HIBADH: variants seen among roughly 807,000 people sequenced by gnomAD.
HIBADH encodes the protein 3-hydroxyisobutyrate dehydrogenase.
Under a neutral mutation model 36.1 loss-of-function variants are expected in HIBADH, and 25 were observed. That is an observed-to-expected ratio of 0.69 (90% CI 0.50 to 0.97). The LOEUF (loss-of-function observed/expected upper bound fraction) is 0.97, where lower values mean the gene tolerates loss of function less well. Among genes scored for constraint, HIBADH ranks in the 50% least tolerant of loss-of-function variants. The pLI is 0.00. For missense variants in HIBADH, 421 were observed against 418.0 expected (o/e 1.01, Z -0.06); for synonymous variants, 160 against 149.5 (o/e 1.07, Z -0.51).
intron 4 of HIBADH, among the ~76,000 whole-genome samples, chr7:27,604,250 T>C (rs1336261902): frequency 1.3e-5 from 2 of 152,166 alleles, no homozygotes; most frequent in Admixed American, 6.5e-5. Flanking sequence ...TTTAATATTA[T>C]AGAAATAACT....
chr7:27,565,461 A>C (rs1023177262), intron 4 of HIBADH, among the ~76,000 whole-genome samples: 1 of 152,166 alleles, frequency 6.6e-6, no homozygotes, highest in African/African-American at 2.4e-5. Context: ...TCTATATCTT[A>C]AAACACCAAT....
intron 6 of HIBADH, among the ~76,000 whole-genome samples, chr7:27,535,975 AATACT>A (rs1053865253): frequency 1.3e-5 from 2 of 152,166 alleles, no homozygotes; most frequent in Admixed American, 1.3e-4. Flanking sequence ...TGTTGACATT[AATACT>A]CTGAAAAAAT....
intron 2 of HIBADH, among the ~76,000 whole-genome samples, chr7:27,635,281 C>T (rs772052521): frequency 2.0e-5 from 3 of 152,182 alleles, no homozygotes; most frequent in Non-Finnish European, 4.4e-5. Context: ...AACAAACCAA[C>T]CTTGTTGCCA....
intron 4 of HIBADH, among the ~76,000 whole-genome samples, chr7:27,555,083 T>C (rs929954942): frequency 6.6e-6 from 1 of 152,160 alleles, no homozygotes; most frequent in African/African-American, 2.4e-5. Context: ...CATGTGACTG[T>C]TTCCTTATTG....
chr7:27,633,929 A>C (rs1785792197), intron 2 of HIBADH, among the ~76,000 whole-genome samples: 4 of 152,212 alleles, frequency 2.6e-5, no homozygotes. Context: ...AGAAGTTTAC[A>C]CATGTTCTTT....
At chr7:27,623,583 C>G (rs1785583463) in intron 4 of HIBADH, among the ~76,000 whole-genome samples, 1 of 152,068 alleles carries the variant, frequency 6.6e-6, no homozygotes, top group African/African-American at 2.4e-5. Context: ...ACACAAAAAT[C>G]AGTAGCATTT....
At chr7:27,657,129 T>C (rs1053344802) in intron 1 of HIBADH, among the ~76,000 whole-genome samples, 2 of 151,868 alleles carry the variant, frequency 1.3e-5, no homozygotes, top group Non-Finnish European at 2.9e-5. Flanking sequence ...AATGAAAGCA[T>C]TGTATCTAAT....
intron 4 of HIBADH, among the ~76,000 whole-genome samples, chr7:27,561,324 A>G (rs1210685671): frequency 6.6e-6 from 1 of 152,030 alleles, no homozygotes. Flanking sequence ...AATATACAGG[A>G]TTTTCATTAC....
At chr7:27,585,238 C>A (rs1308553294) in intron 4 of HIBADH, among the ~76,000 whole-genome samples, 2 of 148,262 alleles carry the variant, frequency 1.3e-5, no homozygotes, top group African/African-American at 5.0e-5. Flanking sequence ...CATGTGCACA[C>A]ACGTGTGCAT....
At chr7:27,608,660 T>C (rs1039451386) in intron 4 of HIBADH, among the ~76,000 whole-genome samples, 1 of 152,164 alleles carries the variant, frequency 6.6e-6, no homozygotes, top group African/African-American at 2.4e-5. Context: ...ATATAATACA[T>C]AGAGTATACT....
intron 4 of HIBADH, among the ~76,000 whole-genome samples, chr7:27,546,365 T>A (rs1195172832): frequency 6.6e-6 from 1 of 152,112 alleles, no homozygotes; most frequent in African/African-American, 2.4e-5. Flanking sequence ...GCAATTCTCC[T>A]GCCTTGGTCT....
At chr7:27,654,914 T>G (rs1786269654) in intron 1 of HIBADH, among the ~76,000 whole-genome samples, 1 of 152,134 alleles carries the variant, frequency 6.6e-6, no homozygotes. Context: ...CTCGAACTCC[T>G]GAGCTCAAGC....
At chr7:27,588,253 A>C (rs1784891316) in intron 4 of HIBADH, among the ~76,000 whole-genome samples, 1 of 152,224 alleles carries the variant, frequency 6.6e-6, no homozygotes, top group African/African-American at 2.4e-5. Context: ...TTGCTAAGTG[A>C]ACTTGGAAAA....
chr7:27,553,598 G>A (rs1784350181), intron 4 of HIBADH, among the ~76,000 whole-genome samples: 1 of 152,064 alleles, frequency 6.6e-6, no homozygotes, highest in African/African-American at 2.4e-5. Flanking sequence ...ATGCAGAGTG[G>A]GGTTTTTAAA....
At chr7:27,584,092 AAG>A (rs966603774) in intron 4 of HIBADH, among the ~76,000 whole-genome samples, 64 of 152,180 alleles carry the variant, frequency 4.2e-4, no homozygotes, top group East Asian at 2.1e-3. Flanking sequence ...TTAAAAAAGT[AAG>A]AGAGAATTTT....
intron 4 of HIBADH, among the ~76,000 whole-genome samples, chr7:27,546,972 A>ATCCTCTTAAAATATAAATCTAG (rs1389962266): frequency 1.4e-4 from 21 of 152,158 alleles, no homozygotes; most frequent in Non-Finnish European, 2.6e-4. Context: ...AGCTAGAGGA[A>ATCCTCTTAAAATATAAATCTAG]TCCTCTTAAA....
chr7:27,615,692 C>T (rs1256628033), intron 4 of HIBADH, among the ~76,000 whole-genome samples: 1 of 152,150 alleles, frequency 6.6e-6, no homozygotes, highest in African/African-American at 2.4e-5. Context: ...CAATTATGTA[C>T]AGCACATAAT....
chr7:27,539,402 C>A (rs1398101457), intron 5 of HIBADH, among the ~76,000 whole-genome samples: 1 of 151,868 alleles, frequency 6.6e-6, no homozygotes, highest in Non-Finnish European at 1.5e-5. Context: ...TAAGATAATA[C>A]CAAGTCTAGA....
At chr7:27,637,580 T>C (rs950543664) in intron 2 of HIBADH, among the ~76,000 whole-genome samples, 2 of 152,144 alleles carry the variant, frequency 1.3e-5, no homozygotes, top group Non-Finnish European at 2.9e-5. Context: ...TTCAACATAG[T>C]ACTTAAGTCC....
Sources: allele counts gnomAD v4.1 joint callset (sites outside exome capture counted in the v4.1 genomes callset), GRCh38; gene constraint gnomAD v4.1.1; transcripts MANE v1.5; gene names NCBI Gene and HGNC (gene_info 2026-07-23, HGNC 2026-07-21).